UBQLNL: variants seen among roughly 807,000 people sequenced by gnomAD.
The protein encoded by UBQLNL is ubiquilin like, also known as ubiquilin-like protein.
For missense variants in UBQLNL, 589 were observed against 567.1 expected, an observed-to-expected ratio of 1.04 and a Z score of -0.39; for synonymous variants, 223 against 209.7, an observed-to-expected ratio of 1.06 and a Z score of -0.55.
rs747371385 is a variant in UBQLNL at position 5,515,736 on chromosome 11, G to T, written c.706C>A (p.Gln236Lys). 1 of 1,613,982 alleles carries T rather than the reference G, an allele frequency of 6.2e-7. No homozygotes were observed. Among genetic ancestry groups the T allele is most frequent in the Non-Finnish European group, 8.5e-7 (1 of 1,180,014 alleles). Residue 236 changes from glutamine (Q) to lysine (K), a missense_variant, in exon 1 of 1, where the codon CAA (glutamine) becomes AAA (lysine). Physicochemically the swap from Gln to Lys is moderately conservative, Grantham distance 53. Coordinates refer to ENST00000380184, the MANE Select transcript of UBQLNL (RefSeq NM_145053.5). ...LELARNLAMI[Q>K]EIMQIQQPSQ... ...GGTTGTTGGATCTGCATTATCTCTT[G>T]GATCATAGCAAGGTTCCTGGCCAGC...
At position 5,515,283 on chromosome 11, in the gene UBQLNL, C is replaced by T. The variant is rs558913613; in HGVS notation, c.1159G>A (p.Glu387Lys). ...TCTTCTTGAAGCTGCTGGGTAAGCT[C>T]TATGCTAGGTAAGGCTGGTATCCAA... is the stretch of plus-strand genomic sequence containing the variant. ...PAWIPALPSI[E>K]LTQQLQEEYK... The change falls in exon 1 of 1, where the codon GAG (glutamate) becomes AAG (lysine). Residue 387 changes from glutamate (E) to lysine (K), a missense_variant. Transcript: ENST00000380184. 9 of 1,614,200 alleles carry T rather than the reference C, an allele frequency of 5.6e-6. No homozygotes were observed. In the South Asian group the frequency reaches 9.9e-5, roughly 18 times the overall value.
Position 5,516,214 on chromosome 11 carries a change from A to G in UBQLNL, c.228T>C (p.Gly76=). Residue 76 remains glycine (G), a synonymous_variant, in exon 1 of 1, where the codon GGT becomes GGC. Transcript: ENST00000380184. ...QMDQLVLVFM[G]CLLKDHDTLS... ...GTGTGTCATGGTCTTTGAGAAGGCA[A>G]CCCATGAAGACCAGCACTAGTTGGT... 1 of 1,610,614 alleles carries G rather than the reference A, an allele frequency of 6.2e-7. No individual in the cohort carries two copies. Among genetic ancestry groups the G allele is most frequent in the East Asian group, 2.2e-5 (1 of 44,854 alleles).
Position 5,515,073 on chromosome 11 carries a change from T to C in UBQLNL, c.1369A>G (p.Arg457Gly). 6.2e-7 allele frequency: 1 copy of C among 1,614,178 alleles called. No individual in the cohort carries two copies. Among genetic ancestry groups the C allele is most frequent in the Non-Finnish European group, 8.5e-7 (1 of 1,180,014 alleles). Residue 457 changes from arginine to glycine, a missense_variant, in exon 1 of 1, where the codon AGG (arginine) becomes GGG (glycine). Arg to Gly is a moderately radical substitution (Grantham distance 125). Transcript: ENST00000380184. ...TGCAGGAATGTGGGCAGCTGCTGCC[T>C]CCACTGTTCACTCAGCTGGGGCATA... ...TSMPQLSEQWRQQLPTFLQQT... is the reference protein window; with the variant it reads ...TSMPQLSEQWGQQLPTFLQQT...
chr11:5,515,363 G>T lies in UBQLNL; in HGVS notation c.1079C>A (p.Thr360Asn), dbSNP rs183094057. ...NKVNHTSKAN[T>N]AMISTKGQSH... ...CTGGCCCTTGGTGGAAATCATAGCA[G>T]TGTTGGCTTTGGAAGTGTGGTTGAC... Residue 360 changes from threonine (T) to asparagine (N), a missense_variant, in exon 1 of 1, where the codon ACT becomes AAT. Physicochemically the swap from Thr to Asn is moderately conservative, Grantham distance 65. Transcript: ENST00000380184. The T allele has an allele frequency of 6.2e-7, 1 of 1,614,228 alleles. No homozygotes were observed. Among genetic ancestry groups the T allele is most frequent in the South Asian group, 1.1e-5 (1 of 91,086 alleles).
At position 5,515,997 on chromosome 11, in the gene UBQLNL, C is replaced by A. The variant is rs747825146; in HGVS notation, c.445G>T (p.Ala149Ser). Residue 149 changes from alanine to serine, a missense_variant, in exon 1 of 1, where the codon GCC becomes TCC. Coordinates refer to ENST00000380184, the MANE Select transcript of UBQLNL (RefSeq NM_145053.5). ...TGMNQAPVELAHFVGSDAPKV... is the reference protein window; with the variant it reads ...TGMNQAPVELSHFVGSDAPKV... ...GGTGCATCAGACCCCACAAAGTGGG[C>A]CAGTTCCACTGGAGCTTGATTCATA... is the stretch of plus-strand genomic sequence containing the variant. The A allele has an allele frequency of 6.2e-7, 1 of 1,614,120 alleles. No homozygotes were observed. The highest frequency in any genetic ancestry group is 1.1e-5 in the South Asian group (1 of 91,072).
At position 5,515,222 on chromosome 11, in the gene UBQLNL, C is replaced by A. The variant is rs754060459; in HGVS notation, c.1220G>T (p.Arg407Ile). 4 of 1,614,106 alleles carry A rather than the reference C, an allele frequency of 2.5e-6. No homozygotes were observed. The South Asian group carries it at 4.4e-5, about 18-fold the overall frequency. The change falls in exon 1 of 1, where the codon AGA becomes ATA. Residue 407 changes from arginine (R) to isoleucine (I), a missense_variant. Coordinates refer to ENST00000380184, the MANE Select transcript of UBQLNL (RefSeq NM_145053.5). The stretch of plus-strand genomic sequence containing the variant: ...CTGGAGATCACCCTTTAATGTCTGT[C>A]TGGAGCTACTTAGAGAAACAGTGGC... ...KDATVSLSSS[R>I]QTLKGDLQLS...
chr11:5,514,704 A>T lies in UBQLNL; in HGVS notation c.*310T>A. 1 of 329,084 alleles carries T rather than the reference A, an allele frequency of 3.0e-6. No individual in the cohort carries two copies. Among genetic ancestry groups the T allele is most frequent in the Non-Finnish European group, 5.6e-6 (1 of 179,752 alleles). 20.4% of individuals were successfully genotyped at this position (329,084 alleles called of 1,614,324 possible). ...GTGGTTCCCAAATCCCATGGCCTGG[A>T]GAGAATCCATCTGTTTGCTAAAACA... is the stretch of plus-strand genomic sequence containing the variant. On this transcript the variant is annotated 3_prime_UTR_variant, in exon 1 of 1. Coordinates refer to ENST00000380184, the MANE Select transcript of UBQLNL (RefSeq NM_145053.5).
rs759070666 is a variant in UBQLNL at position 5,515,750 on chromosome 11, T to C, written c.692A>G (p.Asn231Ser). Residue 231 changes from asparagine to serine, a missense_variant, in exon 1 of 1, where the codon AAC becomes AGC. Asn to Ser is a conservative substitution (Grantham distance 46, BLOSUM62 1). Transcript: ENST00000380184. ...ILLQTLELARNLAMIQEIMQI... is the reference protein window; with the variant it reads ...ILLQTLELARSLAMIQEIMQI... ...CATTATCTCTTGGATCATAGCAAGG[T>C]TCCTGGCCAGCTCCAGAGTCTGCAA... 1.9e-6 allele frequency: 3 copies of C among 1,614,008 alleles called. No individual in the cohort carries two copies. Among genetic ancestry groups the C allele is most frequent in the Non-Finnish European group, 2.5e-6 (3 of 1,180,018 alleles).
rs1378313712 is a variant in UBQLNL, at chr11:5,515,940, G to A, written c.502C>T (p.His168Tyr). The change falls in exon 1 of 1, where the codon CAC (histidine) becomes TAC (tyrosine). Residue 168 changes from histidine (H) to tyrosine (Y), a missense_variant. Coordinates refer to ENST00000380184, the MANE Select transcript of UBQLNL (RefSeq NM_145053.5). ...KVHTQNLEVS[H>Y]PECKAQMLEN... ...AGCATCTGTGCTTTGCACTCTGGGT[G>A]GCTCACTTCCAAGTTTTGGGTATGC... The A allele has an allele frequency of 6.2e-7, 1 of 1,613,986 alleles. No individual in the cohort carries two copies. The highest frequency in any genetic ancestry group is 1.3e-5 in the African/African-American group (1 of 74,936).
rs770689693 is a variant in UBQLNL at position 5,515,280 on chromosome 11, G to A, written c.1162C>T (p.Leu388Phe). 1 of 1,614,228 alleles carries A rather than the reference G, an allele frequency of 6.2e-7. No homozygotes were observed. The highest frequency in any genetic ancestry group is 2.2e-5 in the East Asian group (1 of 44,878). ...AWIPALPSIE[L>F]TQQLQEEYKD... Reference sequence around the variant, plus strand: ...TATTCTTCTTGAAGCTGCTGGGTAAGCTCTATGCTAGGTAAGGCTGGTATC... The same window carrying A: ...TATTCTTCTTGAAGCTGCTGGGTAAACTCTATGCTAGGTAAGGCTGGTATC... The change falls in exon 1 of 1, where the codon CTT becomes TTT. Residue 388 changes from leucine to phenylalanine, a missense_variant. Transcript: ENST00000380184.
rs963456883 is a variant in UBQLNL at position 5,514,819 on chromosome 11, G to T, written c.*195C>A. Reference sequence around the variant, plus strand: ...GTTCCAGGCTTGTGGCAGCACTCAGGTCCCTTGGGCTCAGCTGTATCTGAA... The same window carrying T: ...GTTCCAGGCTTGTGGCAGCACTCAGTTCCCTTGGGCTCAGCTGTATCTGAA... On this transcript the variant is annotated 3_prime_UTR_variant, in exon 1 of 1. Transcript: ENST00000380184. 1.6e-6 allele frequency: 1 copy of T among 609,034 alleles called. No homozygotes were observed. Among genetic ancestry groups the T allele is most frequent in the African/African-American group, 1.8e-5 (1 of 54,086 alleles). 37.7% of individuals were successfully genotyped at this position (609,034 alleles called of 1,614,324 possible).
chr11:5,515,133 G>A lies in UBQLNL; in HGVS notation c.1309C>T (p.Pro437Ser), dbSNP rs1428484884. ...AACATAATCTGAGCTGCCAGGTAGG[G>A]GTTGTTCATAAGCAACTGCATCATG... ...GGMMQLLMNN[P>S]YLAAQIMLFT... Residue 437 changes from proline (P) to serine (S), a missense_variant, in exon 1 of 1, where the codon CCC (proline) becomes TCC (serine). Pro to Ser is a moderately conservative substitution (Grantham distance 74). Transcript: ENST00000380184. 3.1e-6 allele frequency: 5 copies of A among 1,614,114 alleles called. No individual in the cohort carries two copies. The African/African-American group carries it at 5.3e-5, about 17-fold the overall frequency.
rs872751 is a variant in UBQLNL at position 5,515,815 on chromosome 11, T to A, written c.627A>T (p.Pro209=). 5.6e-6 allele frequency: 9 copies of A among 1,613,758 alleles called. No individual in the cohort carries two copies. Among genetic ancestry groups the A allele is most frequent in the South Asian group, 2.2e-5 (2 of 91,068 alleles). ...TATCAAGAAGAAGGCGGGAAACTTCTGGGTTCTGCTGCATCAATTGTTGCG... is the reference window on the plus strand; with the variant it reads ...TATCAAGAAGAAGGCGGGAAACTTCAGGGTTCTGCTGCATCAATTGTTGCG... ...LDTQQLMQQN[P]EVSRLLLDNS... The change falls in exon 1 of 1, where the codon CCA becomes CCT. Residue 209 remains proline, a synonymous_variant. Transcript: ENST00000380184.
chr11:5,515,470 T>C lies in UBQLNL; in HGVS notation c.972A>G (p.Thr324=), dbSNP rs1405947158. The C allele has an allele frequency of 6.2e-7, 1 of 1,614,138 alleles. No homozygotes were observed. The highest frequency in any genetic ancestry group is 2.2e-5 in the East Asian group (1 of 44,868). The change falls in exon 1 of 1, where the codon ACA becomes ACG. Residue 324 remains threonine, a synonymous_variant. Transcript: ENST00000380184. ...AGATGACTCGGGTTGCAGGATGCTGTGTGAGCTGGTCTTGTTGTTCCTGTG... is the reference window on the plus strand; with the variant it reads ...AGATGACTCGGGTTGCAGGATGCTGCGTGAGCTGGTCTTGTTGTTCCTGTG... ...PPSQEQQDQL[T]QHPATRVIYN...
Position 5,515,727 on chromosome 11 carries a change from T to A in UBQLNL, c.715A>T (p.Met239Leu). The change falls in exon 1 of 1, where the codon ATG (methionine) becomes TTG (leucine). Residue 239 changes from methionine (M) to leucine (L), a missense_variant. Met to Leu is a conservative substitution (Grantham distance 15). Coordinates refer to ENST00000380184, the MANE Select transcript of UBQLNL (RefSeq NM_145053.5). Reference protein sequence around the residue: ...ARNLAMIQEIMQIQQPSQNLE... With the variant: ...ARNLAMIQEILQIQQPSQNLE... ...TTTTGTGAAGGTTGTTGGATCTGCATTATCTCTTGGATCATAGCAAGGTTC... is the reference window on the plus strand; with the variant it reads ...TTTTGTGAAGGTTGTTGGATCTGCAATATCTCTTGGATCATAGCAAGGTTC... The A allele has an allele frequency of 6.2e-7, 1 of 1,614,178 alleles. No homozygotes were observed. Among genetic ancestry groups the A allele is most frequent in the Non-Finnish European group, 8.5e-7 (1 of 1,180,032 alleles).
rs1846505377 is a variant in UBQLNL, at chr11:5,514,758, G to C, written c.*256C>G. On this transcript the variant is annotated 3_prime_UTR_variant, in exon 1 of 1. Coordinates refer to ENST00000380184, the MANE Select transcript of UBQLNL (RefSeq NM_145053.5). Reference sequence around the variant, plus strand: ...CTCAGGAGCTTGCAGAGGGTGGGAAGGGTCCCCATCCGGGGATTGTAGCCT... The same window carrying C: ...CTCAGGAGCTTGCAGAGGGTGGGAACGGTCCCCATCCGGGGATTGTAGCCT... The C allele has an allele frequency of 4.1e-6, 2 of 486,944 alleles. No homozygotes were observed. Among genetic ancestry groups the C allele is most frequent in the Non-Finnish European group, 7.3e-6 (2 of 275,174 alleles). 30.2% of individuals were successfully genotyped at this position (486,944 alleles called of 1,614,324 possible). A position where few individuals can be genotyped will look rare whatever the true frequency, so the allele number is the denominator to read the frequency against.
chr11:5,514,624 G>A lies in UBQLNL; in HGVS notation c.*390C>T, dbSNP rs921271677. ...AATCTCTGGGATCTCTTGAGCTTGC[G>A]GATAGCAGCATTGGTGTCCCCTTCA... On this transcript the variant is annotated 3_prime_UTR_variant, in exon 1 of 1. Coordinates refer to ENST00000380184, the MANE Select transcript of UBQLNL (RefSeq NM_145053.5). The A allele has an allele frequency of 4.0e-5, 7 of 176,998 alleles. No individual in the cohort carries two copies. Among genetic ancestry groups the A allele is most frequent in the Non-Finnish European group, 8.4e-5 (7 of 83,756 alleles). 11.0% of individuals were successfully genotyped at this position (176,998 alleles called of 1,614,324 possible). A position where few individuals can be genotyped will look rare whatever the true frequency, so the allele number is the denominator to read the frequency against.
In UBQLNL at chr11:5,516,380, A is replaced by C. The variant is rs1017888425; in HGVS notation, c.62T>G (p.Leu21Arg). The C allele has an allele frequency of 1.9e-6, 3 of 1,614,066 alleles. No homozygotes were observed. Among genetic ancestry groups the C allele is most frequent in the Non-Finnish European group, 2.5e-6 (3 of 1,180,022 alleles). Reference protein sequence around the residue: ...MSQSGCPSGLLADKNISSSAT... With the variant: ...MSQSGCPSGLRADKNISSSAT... ...ACTTGAAGAGATATTTTTGTCTGCCAGCAGACCTGATGGACATCCACTCTG... is the reference window on the plus strand; with the variant it reads ...ACTTGAAGAGATATTTTTGTCTGCCCGCAGACCTGATGGACATCCACTCTG... The change falls in exon 1 of 1, where the codon CTG becomes CGG. Residue 21 changes from leucine (L) to arginine (R), a missense_variant. Physicochemically the swap from Leu to Arg is moderately radical, Grantham distance 102. Coordinates refer to ENST00000380184, the MANE Select transcript of UBQLNL (RefSeq NM_145053.5).
rs1564839480 is a variant in UBQLNL, at chr11:5,514,843, A to G, written c.*171T>C. On this transcript the variant is annotated 3_prime_UTR_variant, in exon 1 of 1. Transcript: ENST00000380184. ...GGTCCCTTGGGCTCAGCTGTATCTG[A>G]AACATTCCAGGAACAGGGCACTGTG... 1.5e-6 allele frequency: 1 copy of G among 662,704 alleles called. No individual in the cohort carries two copies. Among genetic ancestry groups the G allele is most frequent in the African/African-American group, 1.8e-5 (1 of 55,284 alleles). 41.1% of individuals were successfully genotyped at this position (662,704 alleles called of 1,614,324 possible).
Sources: gnomAD v4.1 joint callset for allele counts on GRCh38, gnomAD v4.1.1 for gene constraint, MANE v1.5 for transcripts, NCBI Gene and HGNC (gene_info 2026-07-23, HGNC 2026-07-21) for gene names.